Variants in GRIN2B observed in about 807,000 individuals in gnomAD.
The protein encoded by GRIN2B is glutamate ionotropic receptor NMDA type subunit 2B, also known as glutamate receptor ionotropic, NMDA 2B.
In GRIN2B, 5 loss-of-function variants were observed where a neutral mutation model predicts 114.5. The ratio of observed to expected loss-of-function variants is 0.04; its 90% CI spans 0.02 to 0.09. GRIN2B has a LOEUF of 0.09. Among genes scored for constraint, GRIN2B ranks in the 10% least tolerant of loss-of-function variants. GRIN2B has a pLI of 1.00. For missense variants in GRIN2B, 1,108 were observed against 1,943.5 expected, an observed-to-expected ratio of 0.57 and a Z score of 8.08; for synonymous variants, 787 against 745.1, an observed-to-expected ratio of 1.06 and a Z score of -0.92.
chr12:13,864,588 C>T (rs776906765), intron 3 of GRIN2B, among the ~76,000 whole-genome samples: 1 of 152,150 alleles, frequency 6.6e-6, no homozygotes, highest in Non-Finnish European at 1.5e-5. Context: ...GTACTAAGTG[C>T]TGTATCTAAG....
intron 2 of GRIN2B, among the ~76,000 whole-genome samples, chr12:13,880,922 C>T (rs1454548246): frequency 1.3e-5 from 2 of 152,134 alleles, no homozygotes; most frequent in Non-Finnish European, 2.9e-5. Flanking sequence ...TTTGAGACCT[C>T]GCATCTGGAG....
At chr12:13,569,692 C>A in intron 12 of GRIN2B, 138 bp downstream of exon 12, 2 of 604,892 alleles carry the variant, frequency 3.3e-6, no homozygotes, top group African/African-American at 1.9e-5. Flanking sequence ...CAAATATATA[C>A]CCGAAAACTA....
chr12:13,635,331 G>A (rs1239658276), intron 5 of GRIN2B, among the ~76,000 whole-genome samples: 1 of 152,142 alleles, frequency 6.6e-6, no homozygotes, highest in Non-Finnish European at 1.5e-5. Context: ...CTACAGGAAG[G>A]GAAATCAATA....
intron 4 of GRIN2B, among the ~76,000 whole-genome samples, chr12:13,740,942 T>C (rs979372218): frequency 3.9e-5 from 6 of 152,228 alleles, no homozygotes; most frequent in Non-Finnish European, 7.3e-5. Flanking sequence ...CTTTACCATG[T>C]GTGTCCTGGA....
intron 10 of GRIN2B, among the ~76,000 whole-genome samples, chr12:13,599,628 T>C (rs1313501992): frequency 6.6e-6 from 1 of 152,210 alleles, no homozygotes; most frequent in Non-Finnish European, 1.5e-5. Flanking sequence ...ACATTGATAA[T>C]TTTTTTGTTA....
At chr12:13,770,001 C>G (rs1863875447) in intron 3 of GRIN2B, among the ~76,000 whole-genome samples, 1 of 152,198 alleles carries the variant, frequency 6.6e-6, no homozygotes, top group Non-Finnish European at 1.5e-5. Flanking sequence ...AGTTTCTGCT[C>G]ATCTTTATAT....
intron 3 of GRIN2B, among the ~76,000 whole-genome samples, chr12:13,774,757 T>C (rs1380662880): frequency 1.3e-5 from 2 of 152,152 alleles, no homozygotes; most frequent in African/African-American, 4.8e-5. Flanking sequence ...GCACTTACCA[T>C]ATAAAAGGCC....
At chr12:13,581,426 A>C (rs1948847574) in intron 10 of GRIN2B, among the ~76,000 whole-genome samples, 1 of 152,158 alleles carries the variant, frequency 6.6e-6, no homozygotes, top group South Asian at 2.1e-4. Context: ...TGGAGAGGGG[A>C]GGAAGTGGCT....
At chr12:13,706,611 C>T (rs1390918939) in intron 4 of GRIN2B, among the ~76,000 whole-genome samples, 2 of 152,076 alleles carry the variant, frequency 1.3e-5, no homozygotes, top group African/African-American at 4.8e-5. Context: ...GTAGCCTGAA[C>T]ATGGAATTCC....
intron 3 of GRIN2B, among the ~76,000 whole-genome samples, chr12:13,775,496 G>A (rs1332718537): frequency 6.6e-6 from 1 of 152,252 alleles, no homozygotes. Context: ...AAGTGCTTAG[G>A]AAATAGTACT....
At chr12:13,937,173 A>G (rs1455251231) in intron 2 of GRIN2B, among the ~76,000 whole-genome samples, 1 of 151,456 alleles carries the variant, frequency 6.6e-6, no homozygotes, top group African/African-American at 2.4e-5. Flanking sequence ...TCTAACATAT[A>G]TATATATATA....
intron 3 of GRIN2B, among the ~76,000 whole-genome samples, chr12:13,774,850 T>C (rs768329531): frequency 6.6e-5 from 10 of 152,146 alleles, no homozygotes; most frequent in Non-Finnish European, 1.0e-4. Flanking sequence ...ACCCAGAATA[T>C]ACAAGTGACA....
intron 5 of GRIN2B, among the ~76,000 whole-genome samples, chr12:13,623,762 T>C (rs780237192): frequency 6.6e-6 from 1 of 152,196 alleles, no homozygotes; most frequent in African/African-American, 2.4e-5. Flanking sequence ...TTTTTTTCTG[T>C]GCACAAAATT....
chr12:13,584,297 T>C (rs772262125), intron 10 of GRIN2B, among the ~76,000 whole-genome samples: 1 of 152,226 alleles, frequency 6.6e-6, no homozygotes, highest in Non-Finnish European at 1.5e-5. Context: ...ATTGCCTTTT[T>C]ATTTTCTGCC....
chr12:13,698,386 A>G (rs1485622394), intron 4 of GRIN2B, among the ~76,000 whole-genome samples: 1 of 152,222 alleles, frequency 6.6e-6, no homozygotes, highest in Non-Finnish European at 1.5e-5. Context: ...AGACAAGTAA[A>G]TATTAGTTGA....
chr12:13,645,979 T>A (rs1343573902), intron 5 of GRIN2B, among the ~76,000 whole-genome samples: 2 of 152,108 alleles, frequency 1.3e-5, no homozygotes, highest in Admixed American at 6.6e-5. Context: ...CTCAAAGGCA[T>A]CATTTCACCA....
At chr12:13,652,131 T>G (rs1949819767) in intron 5 of GRIN2B, among the ~76,000 whole-genome samples, 1 of 151,812 alleles carries the variant, frequency 6.6e-6, no homozygotes, top group Non-Finnish European at 1.5e-5. Context: ...GGTTTCTGCT[T>G]TGTCTAGAGG....
intron 3 of GRIN2B, among the ~76,000 whole-genome samples, chr12:13,785,678 T>C (rs1020767066): frequency 6.6e-6 from 1 of 152,216 alleles, no homozygotes; most frequent in Admixed American, 6.5e-5. Context: ...CAATATTAAG[T>C]GTGTACTATG....
chr12:13,749,765 C>T (rs1214274358), intron 4 of GRIN2B, among the ~76,000 whole-genome samples: 1 of 152,114 alleles, frequency 6.6e-6, no homozygotes, highest in Non-Finnish European at 1.5e-5. Context: ...CGTGCTGTGC[C>T]TGGTGATAAA....
Sources: allele counts gnomAD v4.1 joint callset (sites outside exome capture counted in the v4.1 genomes callset), GRCh38; gene constraint gnomAD v4.1.1; transcripts MANE v1.5; gene names NCBI Gene and HGNC (gene_info 2026-07-23, HGNC 2026-07-21).